The following DCLK1 variants were observed in gnomAD, a reference collection of about 807,000 sequenced individuals.
DCLK1 encodes the protein doublecortin like kinase 1.
Under a neutral mutation model 86.2 loss-of-function variants are expected in DCLK1, and 16 were observed. That is an observed-to-expected ratio of 0.19 (90% CI 0.13 to 0.28). The LOEUF (loss-of-function observed/expected upper bound fraction) is 0.28, where lower values mean the gene tolerates loss of function less well. Ranked by LOEUF, DCLK1 falls within the 10% of genes least tolerant of loss-of-function variation. The pLI is 1.00. For missense variants in DCLK1, 590 were observed against 940.2 expected (o/e 0.63, Z 4.87); for synonymous variants, 369 against 370.5 (o/e 1.00, Z 0.05).
At chr13:35,862,274 G>A (rs1376550082) in intron 5 of DCLK1, among the ~76,000 whole-genome samples, 2 of 152,106 alleles carry the variant, frequency 1.3e-5, no homozygotes, top group Non-Finnish European at 2.9e-5. Context: ...CACTCCACAT[G>A]TCTAAAACGA....
intron 3 of DCLK1, among the ~76,000 whole-genome samples, chr13:36,079,741 A>T (rs1449225775): frequency 2.7e-5 from 4 of 146,062 alleles, no homozygotes; most frequent in Non-Finnish European, 6.3e-5. Flanking sequence ...GCTACAATTT[A>T]AAAAAAAATT....
At chr13:35,834,489 C>T (rs1869209080) in intron 8 of DCLK1, among the ~76,000 whole-genome samples, 1 of 152,130 alleles carries the variant, frequency 6.6e-6, no homozygotes, top group South Asian at 2.1e-4. Flanking sequence ...CTTAACATGT[C>T]CATGTTTTCT....
intron 4 of DCLK1, among the ~76,000 whole-genome samples, chr13:35,922,914 C>T (rs1005482614): frequency 1.3e-5 from 2 of 152,142 alleles, no homozygotes; most frequent in African/African-American, 2.4e-5. Flanking sequence ...CCTGTCTCAG[C>T]GCACCCATCT....
At chr13:36,007,685 C>T (rs1246561060) in intron 3 of DCLK1, among the ~76,000 whole-genome samples, 3 of 152,110 alleles carry the variant, frequency 2.0e-5, no homozygotes, top group Non-Finnish European at 4.4e-5. Context: ...CAAATCCATA[C>T]TATTTGTGAG....
intron 4 of DCLK1, among the ~76,000 whole-genome samples, chr13:35,942,517 C>G (rs545993530): frequency 2.0e-5 from 3 of 152,262 alleles, no homozygotes; most frequent in African/African-American, 4.8e-5. Context: ...TAAACCATAT[C>G]AAGTCCAAAG....
chr13:36,030,465 T>C (rs1882225478), intron 3 of DCLK1, among the ~76,000 whole-genome samples: 1 of 436 alleles, frequency 2.3e-3, no homozygotes, highest in African/African-American at 5.8e-3. Flanking sequence ...CCTGGCTAAT[T>C]TTTTTTTTTT....
At chr13:35,776,561 G>T (rs933950310) in intron 16 of DCLK1, among the ~76,000 whole-genome samples, 2 of 152,094 alleles carry the variant, frequency 1.3e-5, no homozygotes, top group Non-Finnish European at 2.9e-5. Flanking sequence ...ATCCACCCAG[G>T]TTTCTCATCT....
intron 4 of DCLK1, among the ~76,000 whole-genome samples, chr13:35,884,523 A>G (rs558832468): frequency 5.3e-5 from 8 of 152,366 alleles, no homozygotes; most frequent in African/African-American, 1.9e-4. Context: ...TCCAAGAGAA[A>G]AGAAAAGGGA....
At chr13:36,050,114 T>C (rs1248277217) in intron 3 of DCLK1, among the ~76,000 whole-genome samples, 1 of 152,220 alleles carries the variant, frequency 6.6e-6, no homozygotes. Context: ...AGTTGGAGCC[T>C]ACTATGTTTA....
At chr13:35,984,782 C>A (rs570056248) in intron 3 of DCLK1, among the ~76,000 whole-genome samples, 1 of 152,228 alleles carries the variant, frequency 6.6e-6, no homozygotes, top group Non-Finnish European at 1.5e-5. Context: ...TCTTCACTAC[C>A]CCCCAGGCTT....
Position 35,954,516 on chromosome 13 carries a change from A to C in DCLK1, c.724-7059T>G, listed in dbSNP as rs188343200. 1.9e-3 allele frequency among the ~76,000 whole-genome samples: 288 copies of C among 152,290 alleles called. 3 individuals are homozygous for C. In the Middle Eastern group the frequency reaches 0.02, roughly 11 times the overall value. On this transcript the variant is annotated intron_variant, in intron 3 of 16. Transcript: ENST00000360631. ...GTAATTCCATATGTTTCTGGTTCTA[A>C]AATATGTTTACAATCAGTTTTATAG...
chr13:36,018,887 ACTCT>A (rs998272190), intron 3 of DCLK1, among the ~76,000 whole-genome samples: 1 of 152,004 alleles, frequency 6.6e-6, no homozygotes, highest in Non-Finnish European at 1.5e-5. Flanking sequence ...TGTTGATAGC[ACTCT>A]CTCTATGGCC....
intron 3 of DCLK1, among the ~76,000 whole-genome samples, chr13:36,047,790 A>ATATT (rs1180637273): frequency 6.6e-6 from 1 of 152,186 alleles, no homozygotes; most frequent in Non-Finnish European, 1.5e-5. Flanking sequence ...AATGAGCAAT[A>ATATT]GTATATCAAA....
At chr13:36,031,247 C>T (rs1443272852) in intron 3 of DCLK1, among the ~76,000 whole-genome samples, 1 of 151,392 alleles carries the variant, frequency 6.6e-6, no homozygotes, top group African/African-American at 2.4e-5. Flanking sequence ...TGGATAATTC[C>T]ATTTAGGCTA....
chr13:36,051,962 A>C (rs559482977), intron 3 of DCLK1, among the ~76,000 whole-genome samples: 2 of 152,302 alleles, frequency 1.3e-5, no homozygotes, highest in African/African-American at 2.4e-5. Flanking sequence ...AAAGATCTTT[A>C]ATGAAAGTTA....
At chr13:35,959,928 T>A (rs1337313710) in intron 3 of DCLK1, among the ~76,000 whole-genome samples, 1 of 152,022 alleles carries the variant, frequency 6.6e-6, no homozygotes, top group East Asian at 1.9e-4. Flanking sequence ...CACATGTACA[T>A]GAGTGCATCT....
chr13:35,786,503 G>A (rs936993243), intron 16 of DCLK1, among the ~76,000 whole-genome samples: 7 of 152,114 alleles, frequency 4.6e-5, no homozygotes, highest in Non-Finnish European at 1.0e-4. Context: ...GTTTACCCTC[G>A]AGGTGAAGTG....
chr13:36,011,648 T>C (rs1321667057), intron 3 of DCLK1, among the ~76,000 whole-genome samples: 1 of 152,156 alleles, frequency 6.6e-6, no homozygotes, highest in African/African-American at 2.4e-5. Context: ...TACTTCCAAC[T>C]ATGTGGTCAG....
chr13:35,875,286 C>T (rs1410389866), intron 4 of DCLK1, among the ~76,000 whole-genome samples: 1 of 152,168 alleles, frequency 6.6e-6, no homozygotes, highest in African/African-American at 2.4e-5. Context: ...ATTTTAAAAG[C>T]TCAGCATCTA....
Sources: gnomAD v4.1 joint callset for allele counts (sites outside exome capture counted in the v4.1 genomes callset) on GRCh38, gnomAD v4.1.1 for gene constraint, MANE v1.5 for transcripts, NCBI Gene and HGNC (gene_info 2026-07-23, HGNC 2026-07-21) for gene names.